RAD54B: variants seen among roughly 807,000 people sequenced by gnomAD.
RAD54B encodes DNA repair and recombination protein RAD54B.
RAD54B carries 78 observed loss-of-function variants against 95.8 expected under a neutral mutation model. The ratio of observed to expected loss-of-function variants is 0.81; its 90% confidence interval spans 0.68 to 0.98. RAD54B has a LOEUF of 0.98. Ranked by LOEUF, RAD54B falls within the 50% of genes least tolerant of loss-of-function variation. The pLI, the probability that RAD54B is intolerant of heterozygous loss-of-function variation, is 0.00. For missense variants in RAD54B, 957 were observed against 1,056.6 expected (o/e 0.91, Z 1.31); for synonymous variants, 328 against 354.9 (o/e 0.92, Z 0.85).
chr8:94,380,094 T>C lies in RAD54B; in HGVS notation c.2247+51A>G, dbSNP rs776355085. The C allele has an allele frequency of 1.3e-5, 20 of 1,521,664 alleles. No homozygotes were observed. In the Admixed American group the frequency reaches 2.6e-4, roughly 20 times the overall value. The allele number at this position is 1,521,664 out of a possible 1,614,324, so 94.3% of individuals were successfully genotyped here. On this transcript the variant is annotated intron_variant, in intron 12 of 14. Transcript: ENST00000336148. ...ATTATCTTTGTATCCTCAATAGGCATTGTATCCTCAGGCATTCAATAATAT... is the reference window on the plus strand; with the variant it reads ...ATTATCTTTGTATCCTCAATAGGCACTGTATCCTCAGGCATTCAATAATAT...
intron 2 of RAD54B, among the ~76,000 whole-genome samples, chr8:94,458,906 A>G (rs1812837689): frequency 6.6e-6 from 1 of 152,106 alleles, no homozygotes; most frequent in Non-Finnish European, 1.5e-5. Flanking sequence ...TCTAATTTTT[A>G]TTGCTTGTTT....
chr8:94,411,047 A>T, intron 4 of RAD54B, 74 bp downstream of exon 4: 1 of 1,174,828 alleles, frequency 8.5e-7, no homozygotes, highest in Non-Finnish European at 1.2e-6. Flanking sequence ...AAACCCAATT[A>T]CATTTCAATT....
At chr8:94,429,517 C>T (rs1422108588) in intron 3 of RAD54B, 5 of 984,548 alleles carry the variant, frequency 5.1e-6, no homozygotes, top group Non-Finnish European at 6.0e-6. Flanking sequence ...ATTATCAATT[C>T]TTAGTAGCAT....
At chr8:94,453,258 G>C (rs1056726373) in intron 3 of RAD54B, among the ~76,000 whole-genome samples, 2 of 152,216 alleles carry the variant, frequency 1.3e-5, no homozygotes, top group African/African-American at 4.8e-5. Context: ...GCCGGGCACA[G>C]CGGCTCACGT....
intron 14 of RAD54B, among the ~76,000 whole-genome samples, chr8:94,374,808 A>T (rs766087180): frequency 2.6e-4 from 39 of 152,198 alleles, no homozygotes; most frequent in Non-Finnish European, 5.0e-4. Context: ...ATATTTTAAT[A>T]TATTTATTTG....
rs1170353099 is a variant in RAD54B, at chr8:94,400,522, AATC to A, written c.945-62_945-60del. 4.4e-6 allele frequency: 6 copies of A among 1,360,548 alleles called. No individual in the cohort carries two copies. In the African/African-American group the frequency reaches 4.4e-5, roughly 10 times the overall value. The allele number at this position is 1,360,548 out of a possible 1,614,324, so 84.3% of individuals were successfully genotyped here. A position where few individuals can be genotyped will look rare whatever the true frequency, so the allele number is the denominator to read the frequency against. ...ATAGAAAAATATTTTATGCTCTTAA[AATC>A]ATCAAGAACCAGAAACTGATATTTT... On this transcript the variant is annotated intron_variant, in intron 6 of 14. Transcript: ENST00000336148.
At chr8:94,442,811 A>G (rs762029784) in intron 3 of RAD54B, among the ~76,000 whole-genome samples, 3 of 152,182 alleles carry the variant, frequency 2.0e-5, no homozygotes, top group Non-Finnish European at 4.4e-5. Context: ...TTAAACCTAG[A>G]AAATTAGTCA....
chr8:94,390,584 G>GATTTTATATATAATATAT (rs1563638790), intron 10 of RAD54B, among the ~76,000 whole-genome samples: 1 of 147,656 alleles, frequency 6.8e-6, no homozygotes, highest in Non-Finnish European at 1.5e-5. Context: ...ATTATATATA[G>GATTTTATATATAATATAT]AGATTTTATA....
intron 5 of RAD54B, 97 bp downstream of exon 5, chr8:94,407,341 AC>A: frequency 8.5e-7 from 1 of 1,175,162 alleles, no homozygotes; most frequent in Admixed American, 2.5e-5. Flanking sequence ...GTATACTTTC[AC>A]CTAAAACTTT....
intron 3 of RAD54B, among the ~76,000 whole-genome samples, chr8:94,456,327 T>A (rs908969702): frequency 3.9e-5 from 6 of 152,136 alleles, no homozygotes; most frequent in Non-Finnish European, 8.8e-5. Flanking sequence ...GAAACCAAAC[T>A]GAAACTAGCT....
intron 1 of RAD54B, among the ~76,000 whole-genome samples, chr8:94,471,204 G>A (rs148935494): frequency 2.8e-4 from 41 of 148,462 alleles, no homozygotes; most frequent in African/African-American, 1.0e-3. Context: ...TCAGTATATC[G>A]CCAGTACCAA....
At chr8:94,443,488 A>G (rs1812448110) in intron 3 of RAD54B, among the ~76,000 whole-genome samples, 1 of 152,082 alleles carries the variant, frequency 6.6e-6, no homozygotes, top group South Asian at 2.1e-4. Flanking sequence ...AAGAAAAATA[A>G]TAATAGTAAT....
intron 3 of RAD54B, among the ~76,000 whole-genome samples, chr8:94,441,844 C>G (rs148212427): frequency 6.6e-6 from 1 of 152,096 alleles, no homozygotes; most frequent in Admixed American, 6.5e-5. Flanking sequence ...CTTTGGAGGT[C>G]GTAAGGATTT....
At chr8:94,460,762 T>C (rs2130184325) in intron 2 of RAD54B, among the ~76,000 whole-genome samples, 1 of 152,058 alleles carries the variant, frequency 6.6e-6, no homozygotes, top group Admixed American at 6.5e-5. Flanking sequence ...TATTTCCTTG[T>C]CTTTTCAAAA....
chr8:94,393,116 C>G (rs891017566), intron 9 of RAD54B, among the ~76,000 whole-genome samples: 2 of 152,008 alleles, frequency 1.3e-5, no homozygotes, highest in African/African-American at 4.8e-5. Flanking sequence ...GCCACCACAC[C>G]CAGCCAGCTA....
At chr8:94,413,067 A>C (rs2130044558) in intron 3 of RAD54B, among the ~76,000 whole-genome samples, 1 of 152,342 alleles carries the variant, frequency 6.6e-6, no homozygotes, top group South Asian at 2.1e-4. Flanking sequence ...AAATTAACAA[A>C]GCTCTTATAA....
intron 1 of RAD54B, among the ~76,000 whole-genome samples, chr8:94,470,847 C>G (rs1200451099): frequency 6.6e-6 from 1 of 151,964 alleles, no homozygotes; most frequent in Non-Finnish European, 1.5e-5. Context: ...TAATGAAGTA[C>G]AAGATAAATT....
rs144632391 is a variant in RAD54B, at chr8:94,379,042, T to C, written c.2248-408A>G. Among the ~76,000 whole-genome samples, 4 of 152,350 alleles carry C rather than the reference T, an allele frequency of 2.6e-5. No homozygotes were observed. In the East Asian group the frequency reaches 7.7e-4, roughly 29 times the overall value. ...TCAGCTAAGGCTCTAGGTGGATCCC[T>C]GTGGTTTAAAGATTTATCAATGATA... On this transcript the variant is annotated intron_variant, in intron 12 of 14. Transcript: ENST00000336148.
rs764022829 is a variant in RAD54B, at chr8:94,411,119, AC to A, written c.499+1del. ...TGTAAACATTAGGTAGTATCATAAT[AC>A]CTCTTCCAATGTCTTTGCCTTCCAA... On this transcript the variant is annotated splice_donor_variant, in intron 4 of 14. Transcript: ENST00000336148. LOFTEE classifies it high-confidence loss of function. The A allele has an allele frequency of 1.3e-6, 2 of 1,597,062 alleles. No individual in the cohort carries two copies. Among genetic ancestry groups the A allele is most frequent in the East Asian group, 4.5e-5 (2 of 44,532 alleles).
Sources: gnomAD v4.1 joint callset for allele counts (sites outside exome capture counted in the v4.1 genomes callset) on GRCh38, gnomAD v4.1.1 for gene constraint, MANE v1.5 for transcripts, NCBI Gene and HGNC (gene_info 2026-07-23, HGNC 2026-07-21) for gene names.